Variants in USP10 observed in about 807,000 individuals in gnomAD.
USP10 encodes ubiquitin specific peptidase 10, also known as ubiquitin carboxyl-terminal hydrolase 10.
In USP10, 22 loss-of-function variants were observed where a neutral mutation model predicts 84.5. The observed-to-expected ratio is 0.26, with a 90% CI of 0.19 to 0.37. The LOEUF (loss-of-function observed/expected upper bound fraction) is 0.37, where lower values mean the gene tolerates loss of function less well. Among genes scored for constraint, USP10 ranks in the 10% least tolerant of loss-of-function variants. The pLI, the probability that USP10 is intolerant of heterozygous loss-of-function variation, is 1.00. For synonymous variants in USP10, 454 were observed against 387.6 expected (o/e 1.17, Z -2.01); for missense variants, 1,019 against 998.9 (o/e 1.02, Z -0.27).
At chr16:84,769,850 G>C (rs974165836) in intron 11 of USP10, among the ~76,000 whole-genome samples, 1 of 152,162 alleles carries the variant, frequency 6.6e-6, no homozygotes, top group Admixed American at 6.6e-5. Flanking sequence ...GTGGCGGTGT[G>C]GGGGCAGGGG....
At chr16:84,710,944 G>C (rs1906204799) in intron 1 of USP10, among the ~76,000 whole-genome samples, 1 of 152,148 alleles carries the variant, frequency 6.6e-6, no homozygotes, top group Non-Finnish European at 1.5e-5. Flanking sequence ...TCGTATTTTG[G>C]ACAAAGTGTT....
At chr16:84,726,478 A>G (rs1188497582) in intron 1 of USP10, among the ~76,000 whole-genome samples, 2 of 152,214 alleles carry the variant, frequency 1.3e-5, no homozygotes, top group Non-Finnish European at 2.9e-5. Flanking sequence ...AGGCCCCCTG[A>G]GGGCCGTAGT....
intron 1 of USP10, among the ~76,000 whole-genome samples, chr16:84,723,736 A>T (rs1365697648): frequency 2.0e-5 from 3 of 152,386 alleles, no homozygotes; most frequent in Middle Eastern, 3.4e-3. Context: ...TTATGGAGGT[A>T]TAACGTATGT....
At chr16:84,711,719 CTTTTTTTTT>C (rs10706586) in intron 1 of USP10, among the ~76,000 whole-genome samples, 31,078 of 114,894 alleles carry the variant, frequency 0.27, 4,005 homozygotes, top group Non-Finnish European at 0.35. Flanking sequence ...GAAGGGCTAG[CTTTTTTTTT>C]TTTTTTTTTT....
chr16:84,745,363 T>C lies in USP10; in HGVS notation c.882T>C (p.Gly294=). The C allele has an allele frequency of 6.2e-7, 1 of 1,613,148 alleles. No homozygotes were observed. The highest frequency in any genetic ancestry group is 8.5e-7 in the Non-Finnish European group (1 of 1,179,700). Residue 294 remains glycine, a synonymous_variant, in exon 4 of 14, where the codon GGT becomes GGC. Coordinates refer to ENST00000219473, the MANE Select transcript of USP10 (RefSeq NM_005153.3). ...ATGGACAAATACTTGAATCCTCGGG[T>C]GAGGGCACAGCTACCAACGGGGTGG... ...VANGQILESS[G]EGTATNGVEL... is the part of the protein sequence containing the mutation.
At position 84,769,996 on chromosome 16, in the gene USP10, C is replaced by G. The variant is rs535850758; in HGVS notation, c.1998+1638C>G. ...TGGTGGCTCACGCCCTTAGTCCCAG[C>G]ACTTTGGGAGGCTGAGGCAGGAGGA... On this transcript the variant is annotated intron_variant, in intron 11 of 13. Transcript: ENST00000219473. Among the ~76,000 whole-genome samples the G allele has an allele frequency of 4.6e-5, 7 of 152,302 alleles. No individual in the cohort carries two copies. The East Asian group carries it at 1.3e-3, about 29-fold the overall frequency.
At chr16:84,757,446 T>TGTGTGTG (rs1597376680) in intron 4 of USP10, among the ~76,000 whole-genome samples, 4 of 150,412 alleles carry the variant, frequency 2.7e-5, no homozygotes, top group African/African-American at 4.9e-5. Context: ...TGTGTGTGTG[T>TGTGTGTG]TTTGAATTTT....
rs370988922 is a variant in USP10 at position 84,775,780 on chromosome 16, T to C, written c.2209+555T>C. ...TCCCTCATGGGTGGACCTTGAGACC[T>C]CTTCTGTCTCCTGGCTTAGGCTCCC... On this transcript the variant is annotated intron_variant, in intron 13 of 13. Transcript: ENST00000219473. 2.0e-5 allele frequency among the ~76,000 whole-genome samples: 3 copies of C among 152,328 alleles called. No individual in the cohort carries two copies. In the South Asian group the frequency reaches 6.2e-4, roughly 32 times the overall value.
intron 10 of USP10, among the ~76,000 whole-genome samples, chr16:84,767,528 G>A (rs1214139801): frequency 1.3e-5 from 2 of 152,044 alleles, no homozygotes; most frequent in African/African-American, 4.8e-5. Context: ...TTTACCTTGG[G>A]ATTTCCTCTA....
intron 4 of USP10, among the ~76,000 whole-genome samples, chr16:84,756,284 G>C (rs2150842614): frequency 6.6e-6 from 1 of 152,338 alleles, no homozygotes; most frequent in African/African-American, 2.4e-5. Flanking sequence ...TTCAGCGAAA[G>C]GCAGCATGTT....
chr16:84,725,413 T>G (rs1218136428), intron 1 of USP10, among the ~76,000 whole-genome samples: 2 of 152,218 alleles, frequency 1.3e-5, no homozygotes, highest in Non-Finnish European at 2.9e-5. Flanking sequence ...CTTTTTTCTT[T>G]TTTGAGACGG....
At chr16:84,730,532 C>G (rs1414723291) in intron 1 of USP10, among the ~76,000 whole-genome samples, 1 of 152,082 alleles carries the variant, frequency 6.6e-6, no homozygotes, top group African/African-American at 2.4e-5. Flanking sequence ...AGAAAAAAAA[C>G]TCAGTGAACC....
Position 84,708,768 on chromosome 16 carries a change from C to T in USP10, c.21+8657C>T, listed in dbSNP as rs1344961000. ...GTAATAGAATGCAAAATCGGGGCTTCCAAGTGTGGTTTACTATTTTGTTTA... is the reference window on the plus strand; with the variant it reads ...GTAATAGAATGCAAAATCGGGGCTTTCAAGTGTGGTTTACTATTTTGTTTA... On this transcript the variant is annotated intron_variant, in intron 1 of 13. Transcript: ENST00000219473. The T allele has an allele frequency of 2.0e-5, 3 of 152,302 alleles. No homozygotes were observed. The East Asian group carries it at 5.8e-4, about 29-fold the overall frequency. 9.4% of individuals were successfully genotyped at this position (152,302 alleles called of 1,614,324 possible). A position where few individuals can be genotyped will look rare whatever the true frequency, so the allele number is the denominator to read the frequency against.
At chr16:84,736,175 C>G (rs1045548302) in intron 2 of USP10, among the ~76,000 whole-genome samples, 1 of 152,228 alleles carries the variant, frequency 6.6e-6, no homozygotes, top group Non-Finnish European at 1.5e-5. Context: ...CTCAAACATG[C>G]AGTGTTTCTA....
At chr16:84,767,343 A>C (rs1219676236) in intron 10 of USP10, among the ~76,000 whole-genome samples, 1 of 152,194 alleles carries the variant, frequency 6.6e-6, no homozygotes, top group African/African-American at 2.4e-5. Context: ...AAAAGGAAAA[A>C]AAAAATGAAA....
At chr16:84,769,922 TA>T (rs1052373889) in intron 11 of USP10, among the ~76,000 whole-genome samples, 2 of 152,186 alleles carry the variant, frequency 1.3e-5, no homozygotes, top group African/African-American at 4.8e-5. Flanking sequence ...TGGTTTATCC[TA>T]AATAGCAGGT....
At chr16:84,756,239 G>GTGCCTAGGCAGGGCTCAGCA (rs1912525415) in intron 4 of USP10, among the ~76,000 whole-genome samples, 1 of 152,192 alleles carries the variant, frequency 6.6e-6, no homozygotes, top group African/African-American at 2.4e-5. Context: ...TCCTTACCCG[G>GTGCCTAGGCAGGGCTCAGCA]TGCCTAGGCA....
Position 84,700,110 on chromosome 16 carries a change from AGGTAGCCGCC to A in USP10, c.21+3_21+12del. 7.4e-7 allele frequency: 1 copy of A among 1,352,050 alleles called. No homozygotes were observed. Among genetic ancestry groups the A allele is most frequent in the Non-Finnish European group, 9.7e-7 (1 of 1,030,950 alleles). 83.8% of individuals were successfully genotyped at this position (1,352,050 alleles called of 1,614,324 possible). On this transcript the variant is annotated splice_donor_variant and splice_donor_5th_base_variant and coding_sequence_variant and intron_variant, in exon 1 of 14. Transcript: ENST00000219473. LOFTEE classifies it high-confidence loss of function. ...GCAGCCATGGCCCTCCACAGCCCGCAGGTAGCCGCCGGTCTGCGCCTTCGGCCGGAAGGGG... is the reference window on the plus strand; with the variant it reads ...GCAGCCATGGCCCTCCACAGCCCGCAGGTCTGCGCCTTCGGCCGGAAGGGG...
intron 4 of USP10, among the ~76,000 whole-genome samples, chr16:84,746,793 C>T (rs1302426069): frequency 6.6e-6 from 1 of 152,146 alleles, no homozygotes; most frequent in African/African-American, 2.4e-5. Flanking sequence ...TTAACCTTAA[C>T]CTACTGTAAC....
Sources: allele counts gnomAD v4.1 joint callset (sites outside exome capture counted in the v4.1 genomes callset), GRCh38; gene constraint gnomAD v4.1.1; transcripts MANE v1.5; gene names NCBI Gene and HGNC (gene_info 2026-07-23, HGNC 2026-07-21).